Variants in PLSCR4 observed in about 807,000 individuals in gnomAD.
PLSCR4 encodes Ca(2+)-dependent phospholipid scramblase 4.
PLSCR4 carries 25 observed loss-of-function variants against 36.3 expected under a neutral mutation model. That is an observed-to-expected ratio of 0.69 (90% CI 0.50 to 0.96). The LOEUF is 0.96. PLSCR4 is among the 40% of genes least tolerant of loss of function. PLSCR4 has a pLI of 0.00. For synonymous variants in PLSCR4, 122 were observed against 132.9 expected, an observed-to-expected ratio of 0.92 and a Z score of 0.56; for missense variants, 408 against 414.7, an observed-to-expected ratio of 0.98 and a Z score of 0.14.
At chr3:146,217,664 G>A (rs1454196225) in intron 3 of PLSCR4, among the ~76,000 whole-genome samples, 1 of 152,176 alleles carries the variant, frequency 6.6e-6, no homozygotes, top group Non-Finnish European at 1.5e-5. Context: ...GACTGGATAT[G>A]AGAAAAGATT....
chr3:146,213,098 C>T (rs893850970), intron 3 of PLSCR4, among the ~76,000 whole-genome samples: 22 of 151,984 alleles, frequency 1.4e-4, no homozygotes, highest in Non-Finnish European at 2.5e-4. Context: ...GTGTTTAATC[C>T]TTTTTTATGT....
intron 3 of PLSCR4, among the ~76,000 whole-genome samples, chr3:146,220,608 G>A (rs1451551300): frequency 1.3e-5 from 2 of 152,040 alleles, no homozygotes; most frequent in East Asian, 3.9e-4. Context: ...ATCAATATTT[G>A]CACAACTTCC....
intron 1 of PLSCR4, among the ~76,000 whole-genome samples, chr3:146,238,694 A>C (rs1037990820): frequency 3.9e-5 from 6 of 152,116 alleles, no homozygotes; most frequent in Non-Finnish European, 7.4e-5. Flanking sequence ...GTCATACTCA[A>C]CAGAGAAAGA....
At chr3:146,214,354 A>G (rs2034789417) in intron 3 of PLSCR4, among the ~76,000 whole-genome samples, 1 of 74,652 alleles carries the variant, frequency 1.3e-5, no homozygotes, top group Non-Finnish European at 3.0e-5. Flanking sequence ...CGATCTCCTG[A>G]CCTCGTGATC....
intron 1 of PLSCR4, among the ~76,000 whole-genome samples, chr3:146,248,427 T>C (rs1055488288): frequency 6.6e-6 from 1 of 152,114 alleles, no homozygotes; most frequent in Non-Finnish European, 1.5e-5. Flanking sequence ...CTACTCACAA[T>C]ATAATTCAGC....
intron 3 of PLSCR4, among the ~76,000 whole-genome samples, chr3:146,212,747 A>G (rs1405723227): frequency 1.3e-5 from 2 of 152,126 alleles, no homozygotes; most frequent in African/African-American, 4.8e-5. Flanking sequence ...CTTCCAGTAC[A>G]ATGCTGAATA....
chr3:146,195,221 A>G lies in PLSCR4; in HGVS notation c.848T>C (p.Leu283Ser), dbSNP rs1414121943. Residue 283 changes from leucine (L) to serine (S), a missense_variant, in exon 8 of 9, where the codon TTA (leucine) becomes TCA (serine). Leu to Ser is a moderately radical substitution (Grantham distance 145, BLOSUM62 -2). Transcript: ENST00000354952. ...GSIIRKWNGL[L>S]SAMADADHFD... ...ATGGTCAGCATCTGCCATTGCTGAT[A>G]ACAAACCATTCCACTTCCGGATAAT... 2 of 1,613,476 alleles carry G rather than the reference A, an allele frequency of 1.2e-6. No homozygotes were observed. The highest frequency in any genetic ancestry group is 1.3e-5 in the African/African-American group (1 of 74,932).
Position 146,199,805 on chromosome 3 carries a change from T to C in PLSCR4, c.624+8A>G. 1 of 1,605,538 alleles carries C rather than the reference T, an allele frequency of 6.2e-7. No individual in the cohort carries two copies. Among genetic ancestry groups the C allele is most frequent in the Non-Finnish European group, 8.5e-7 (1 of 1,172,902 alleles). ...AGCAAGCTGTGGATCAGACTTCCAT[T>C]CTCTGACCTCTTGTCTGGCAGAGGG... On this transcript the variant is annotated splice_region_variant and intron_variant, in intron 6 of 8. Transcript: ENST00000354952.
Sources: allele counts gnomAD v4.1 joint callset (sites outside exome capture counted in the v4.1 genomes callset), GRCh38; gene constraint gnomAD v4.1.1; transcripts MANE v1.5; gene names NCBI Gene and HGNC (gene_info 2026-07-23, HGNC 2026-07-21).